DIP2C: variants seen among roughly 807,000 people sequenced by gnomAD.
DIP2C encodes DIP2 acetate--CoA ligase C (putative).
DIP2C carries 33 observed loss-of-function variants against 192.4 expected under a neutral mutation model. That is an observed-to-expected ratio of 0.17 (90% CI 0.13 to 0.23). The LOEUF is 0.23. Among genes scored for constraint, DIP2C ranks in the 10% least tolerant of loss-of-function variants. DIP2C has a pLI of 1.00. For missense variants in DIP2C, 1,537 were observed against 2,110.1 expected (o/e 0.73, Z 5.32); for synonymous variants, 979 against 864.1 (o/e 1.13, Z -2.33).
intron 1 of DIP2C, among the ~76,000 whole-genome samples, chr10:594,745 T>C (rs968908205): frequency 1.3e-5 from 2 of 151,988 alleles, no homozygotes; most frequent in African/African-American, 4.8e-5. Flanking sequence ...AGAAAACCCA[T>C]GTTCACTTTC....
chr10:498,748 A>AC (rs1845028981), intron 1 of DIP2C, among the ~76,000 whole-genome samples: 1 of 152,032 alleles, frequency 6.6e-6, no homozygotes, highest in Admixed American at 6.6e-5. Flanking sequence ...GCTCCAGCAC[A>AC]CCTCAGGATG....
At chr10:613,178 T>A (rs1853218676) in intron 1 of DIP2C, among the ~76,000 whole-genome samples, 1 of 152,168 alleles carries the variant, frequency 6.6e-6, no homozygotes, top group Admixed American at 6.5e-5. Context: ...ACATGTGAAT[T>A]TTTAAAATTC....
In DIP2C at chr10:605,745, A is replaced by G. The variant is rs377531504; in HGVS notation, c.85+83749T>C. Among the ~76,000 whole-genome samples the G allele has an allele frequency of 7.1e-4, 108 of 152,358 alleles. 1 individual carries two copies. The South Asian group carries it at 0.022, about 30-fold the overall frequency. Reference sequence around the variant, plus strand: ...TCACTTAACCAGCCACCAGGATAACATAATTATGCAATAAAAATGCCTTCT... The same window carrying G: ...TCACTTAACCAGCCACCAGGATAACGTAATTATGCAATAAAAATGCCTTCT... On this transcript the variant is annotated intron_variant, in intron 1 of 36. Coordinates refer to ENST00000280886, the MANE Select transcript of DIP2C (RefSeq NM_014974.3).
chr10:674,789 T>TAGAG lies in DIP2C; in HGVS notation c.85+14701_85+14704dup, dbSNP rs1554772102. ...CATCTCAAATATATATATATATATA[T>TAGAG]AGAGAGAGAGAGAGAGAGAGAGAGA... On this transcript the variant is annotated intron_variant, in intron 1 of 36. Transcript: ENST00000280886. Among the ~76,000 whole-genome samples, 180 of 62,488 alleles carry TAGAG rather than the reference T, an allele frequency of 2.9e-3. 1 individual carries two copies. The highest frequency in any genetic ancestry group is 3.6e-3 in the Admixed American group (18 of 5,010). The allele number at this position is 62,488 out of a possible 152,430, so 41.0% of individuals were successfully genotyped here. A position where few individuals can be genotyped will look rare whatever the true frequency, so the allele number is the denominator to read the frequency against.
chr10:638,715 T>C (rs1854969619), intron 1 of DIP2C, among the ~76,000 whole-genome samples: 1 of 152,206 alleles, frequency 6.6e-6, no homozygotes, highest in Non-Finnish European at 1.5e-5. Context: ...GAGAAATTCC[T>C]GTTTCAGGTT....
intron 1 of DIP2C, among the ~76,000 whole-genome samples, chr10:528,656 G>GC (rs1300086764): frequency 1.3e-5 from 2 of 152,202 alleles, no homozygotes; most frequent in Non-Finnish European, 2.9e-5. Flanking sequence ...CCGACTCCCA[G>GC]CATCAGCACC....
intron 1 of DIP2C, among the ~76,000 whole-genome samples, chr10:589,072 G>A (rs1050841685): frequency 1.3e-5 from 2 of 152,046 alleles, no homozygotes; most frequent in African/African-American, 2.4e-5. Flanking sequence ...TGCACATCTC[G>A]CTGAAACCAG....
At chr10:621,162 G>A (rs549566307) in intron 1 of DIP2C, among the ~76,000 whole-genome samples, 6 of 152,120 alleles carry the variant, frequency 3.9e-5, no homozygotes, top group South Asian at 2.1e-4. Flanking sequence ...GCCGCCCGAC[G>A]CAACGGGCCA....
chr10:416,792 G>A (rs896192916), intron 6 of DIP2C, among the ~76,000 whole-genome samples: 1 of 152,146 alleles, frequency 6.6e-6, no homozygotes. Flanking sequence ...CACGCTGCAG[G>A]CCGGCAGGAC....
At chr10:355,492 G>A (rs1255135700) in intron 24 of DIP2C, among the ~76,000 whole-genome samples, 3 of 152,206 alleles carry the variant, frequency 2.0e-5, no homozygotes, top group Non-Finnish European at 4.4e-5. Context: ...ATGACTTTTT[G>A]AAGAGTTGCA....
At chr10:506,458 T>C (rs1448720703) in intron 1 of DIP2C, among the ~76,000 whole-genome samples, 1 of 152,128 alleles carries the variant, frequency 6.6e-6, no homozygotes, top group Non-Finnish European at 1.5e-5. Flanking sequence ...ACTGTCCATG[T>C]GGCTCCCACA....
chr10:651,621 G>A lies in DIP2C; in HGVS notation c.85+37873C>T. On this transcript the variant is annotated intron_variant, in intron 1 of 36. Transcript: ENST00000280886. This position sits in a 1 kb window ranked among gnomAD's most constrained non-coding sequence, Gnocchi z 4.1. ...CATCTTTTATAAAACAAGAACGCAA[G>A]GCTCTGAGGCCAACTTTGAACATTT... 2.8e-6 allele frequency: 1 copy of A among 358,444 alleles called. No homozygotes were observed. The highest frequency in any genetic ancestry group is 5.4e-6 in the Non-Finnish European group (1 of 183,694). 22.2% of individuals were successfully genotyped at this position (358,444 alleles called of 1,614,324 possible).
rs966819383 is a variant in DIP2C, at chr10:548,209, C to CG, written c.86-61680_86-61679insC. On this transcript the variant is annotated intron_variant, in intron 1 of 36. Coordinates refer to ENST00000280886, the MANE Select transcript of DIP2C (RefSeq NM_014974.3). ...GTCCAATTCACACGAGTCTGCCCCA[C>CG]CCCCCCCCCCACAGGAAAGCCCTGG... Among the ~76,000 whole-genome samples the CG allele has an allele frequency of 1.1e-4, 4 of 34,940 alleles. No individual in the cohort carries two copies. In the East Asian group the frequency reaches 0.011, roughly 93 times the overall value. The allele number at this position is 34,940 out of a possible 152,430, so 22.9% of individuals were successfully genotyped here. A position where few individuals can be genotyped will look rare whatever the true frequency, so the allele number is the denominator to read the frequency against.
chr10:567,643 T>C (rs1029573647), intron 1 of DIP2C, among the ~76,000 whole-genome samples: 5 of 151,974 alleles, frequency 3.3e-5, no homozygotes, highest in African/African-American at 7.3e-5. Flanking sequence ...CATAGAAAAG[T>C]TTGGTTTTGT....
chr10:419,826 G>A (rs1966057377), intron 5 of DIP2C, among the ~76,000 whole-genome samples: 1 of 152,194 alleles, frequency 6.6e-6, no homozygotes, highest in African/African-American at 2.4e-5. Flanking sequence ...ACACCCTAAT[G>A]TGTACTAAGG....
chr10:428,603 T>C (rs1396386810), intron 4 of DIP2C, among the ~76,000 whole-genome samples: 2 of 152,284 alleles, frequency 1.3e-5, no homozygotes, highest in South Asian at 2.1e-4. Context: ...TTGACTATCA[T>C]GAACCTGGAT....
At chr10:657,886 C>T (rs1373547891) in intron 1 of DIP2C, among the ~76,000 whole-genome samples, 3 of 148,826 alleles carry the variant, frequency 2.0e-5, no homozygotes, top group African/African-American at 5.0e-5. Flanking sequence ...CCTGGACCTG[C>T]CCCTGGACCT....
intron 1 of DIP2C, among the ~76,000 whole-genome samples, chr10:640,656 A>AGAGGGTGCGCGCGGGGAT (rs1303493060): frequency 1.3e-5 from 2 of 148,820 alleles, no homozygotes; most frequent in African/African-American, 5.0e-5. Flanking sequence ...CGCGCGGGGA[A>AGAGGGTGCGCGCGGGGAT]GAGGGTGCGC....
At chr10:458,236 A>C (rs1188199966) in intron 3 of DIP2C, among the ~76,000 whole-genome samples, 1 of 152,170 alleles carries the variant, frequency 6.6e-6, no homozygotes, top group African/African-American at 2.4e-5. Flanking sequence ...ATTCTGATGT[A>C]AATAAGGAAG....
Sources: gnomAD v4.1 joint callset for allele counts (sites outside exome capture counted in the v4.1 genomes callset) on GRCh38, gnomAD v4.1.1 for gene constraint, Gnocchi (gnomAD v3.1) non-coding constraint, MANE v1.5 for transcripts, NCBI Gene and HGNC (gene_info 2026-07-23, HGNC 2026-07-21) for gene names.